The following NSFL1C variants were observed in gnomAD, a reference collection of about 807,000 sequenced individuals.
The protein encoded by NSFL1C is NSFL1 cofactor p47.
In NSFL1C, 14 loss-of-function variants were observed where a neutral mutation model predicts 43.1. The observed-to-expected ratio is 0.32, with a 90% CI of 0.21 to 0.51. The LOEUF (loss-of-function observed/expected upper bound fraction) is 0.51, where lower values mean the gene tolerates loss of function less well. Among genes scored for constraint, NSFL1C ranks in the 20% least tolerant of loss-of-function variants. The pLI, the probability that NSFL1C is intolerant of heterozygous loss-of-function variation, is 0.98. For synonymous variants in NSFL1C, 171 were observed against 183.5 expected (o/e 0.93, Z 0.55); for missense variants, 406 against 472.5 (o/e 0.86, Z 1.30).
intron 2 of NSFL1C, among the ~76,000 whole-genome samples, chr20:1,461,908 C>T (rs1433864703): frequency 1.3e-4 from 20 of 152,224 alleles, no homozygotes; most frequent in Admixed American, 1.3e-3. Context: ...TGAGTTTAAA[C>T]TGTCTCCTAT....
At chr20:1,464,175 A>C (rs940547920) in intron 2 of NSFL1C, 154 bp downstream of exon 2, 3 of 661,086 alleles carry the variant, frequency 4.5e-6, no homozygotes, top group Non-Finnish European at 8.1e-6. Flanking sequence ...ATAGGAAATG[A>C]CTGAGGCCTG....
rs1346643040 is a variant in NSFL1C, at chr20:1,442,535, G to C, written c.*1214C>G. Reference sequence around the variant, plus strand: ...TGAGTCAGCACTGATTCTGTCTCTGGTTTGTTTAATACGGGAAAGGGTTCC... The same window carrying C: ...TGAGTCAGCACTGATTCTGTCTCTGCTTTGTTTAATACGGGAAAGGGTTCC... On this transcript the variant is annotated 3_prime_UTR_variant, in exon 9 of 9. Coordinates refer to ENST00000216879, the MANE Select transcript of NSFL1C (RefSeq NM_016143.5). 4 of 152,196 alleles carry C rather than the reference G, an allele frequency of 2.6e-5. No individual in the cohort carries two copies. The highest frequency in any genetic ancestry group is 9.7e-5 in the African/African-American group (4 of 41,436). 9.4% of individuals were successfully genotyped at this position (152,196 alleles called of 1,614,324 possible).
At chr20:1,458,081 C>A (rs1163699011) in intron 3 of NSFL1C, 119 bp downstream of exon 3, 7 of 824,138 alleles carry the variant, frequency 8.5e-6, no homozygotes, top group Admixed American at 3.5e-5. Flanking sequence ...ACAGACCAGC[C>A]CACAGTAGTA....
rs3088080 is a variant in NSFL1C, at chr20:1,443,134, C to T, written c.*615G>A. ...GGCCAAGACCTGGCAAGATTAGATA[C>T]CCCAGGGGTTGAGTAAAAGGAGCAC... On this transcript the variant is annotated 3_prime_UTR_variant, in exon 9 of 9. Transcript: ENST00000216879. 0.4 allele frequency: 61,311 copies of T among 152,136 alleles called. 13,101 individuals are homozygous for T. The highest frequency in any genetic ancestry group is 0.78 in the East Asian group (4,028 of 5,166). 9.4% of individuals were successfully genotyped at this position (152,136 alleles called of 1,614,324 possible). A position where few individuals can be genotyped will look rare whatever the true frequency, so the allele number is the denominator to read the frequency against.
chr20:1,445,905 G>T, intron 7 of NSFL1C, 75 bp from the exon 8 acceptor site: 2 of 1,476,642 alleles, frequency 1.4e-6, no homozygotes, highest in Admixed American at 1.9e-5. Flanking sequence ...TTCTTGGACT[G>T]TTACTGAGCA....
chr20:1,447,062 T>C (rs1181467579), intron 7 of NSFL1C, among the ~76,000 whole-genome samples: 4 of 152,192 alleles, frequency 2.6e-5, no homozygotes, highest in Non-Finnish European at 1.5e-5. Context: ...AATTAAAGAA[T>C]GACTGAAAAG....
At chr20:1,450,745 T>C (rs149295391) in intron 7 of NSFL1C, among the ~76,000 whole-genome samples, 87 of 152,340 alleles carry the variant, frequency 5.7e-4, no homozygotes, top group Non-Finnish European at 1.0e-3. Context: ...CTAGCCCAAG[T>C]GTACAAAGAT....
intron 4 of NSFL1C, 115 bp downstream of exon 4, chr20:1,454,850 GAC>G: frequency 9.2e-7 from 1 of 1,085,532 alleles, no homozygotes. Context: ...CCGCACAGAA[GAC>G]CAAGTAAGCA....
Position 1,454,199 on chromosome 20 carries a change from G to C in NSFL1C, c.537+14C>G. The C allele has an allele frequency of 1.9e-6, 3 of 1,602,342 alleles. No individual in the cohort carries two copies. The highest frequency in any genetic ancestry group is 2.6e-6 in the Non-Finnish European group (3 of 1,169,666). On this transcript the variant is annotated intron_variant, in intron 5 of 8. Transcript: ENST00000216879. ...GTCCACAAGCTTCCCTCATGGGAAG[G>C]TGGATGCACTCACATCTTGGCTGGA...
At chr20:1,455,366 G>A (rs996099714) in intron 3 of NSFL1C, among the ~76,000 whole-genome samples, 2 of 152,200 alleles carry the variant, frequency 1.3e-5, no homozygotes, top group Non-Finnish European at 2.9e-5. Context: ...TCCTTTAAGG[G>A]TGTCTTCTGG....
At chr20:1,466,321 A>G (rs1289982178) in intron 1 of NSFL1C, among the ~76,000 whole-genome samples, 2 of 152,166 alleles carry the variant, frequency 1.3e-5, no homozygotes, top group Non-Finnish European at 2.9e-5. Flanking sequence ...TGGACTTCGG[A>G]AGTGGAAATG....
In NSFL1C at chr20:1,452,641, A is replaced by G; in HGVS notation, c.648-11T>C. The G allele has an allele frequency of 1.2e-6, 2 of 1,613,972 alleles. No individual in the cohort carries two copies. Among genetic ancestry groups the G allele is most frequent in the Non-Finnish European group, 1.7e-6 (2 of 1,179,966 alleles). ...TCTGCTGGCACCTCCCTGTGGAAGA[A>G]AAGGCCATGCTGAGGTCCACAGAGA... On this transcript the variant is annotated splice_polypyrimidine_tract_variant and intron_variant, in intron 6 of 8. Coordinates refer to ENST00000216879, the MANE Select transcript of NSFL1C (RefSeq NM_016143.5).
Position 1,442,527 on chromosome 20 carries a change from T to C in NSFL1C, c.*1222A>G, listed in dbSNP as rs1600363159. On this transcript the variant is annotated 3_prime_UTR_variant, in exon 9 of 9. Transcript: ENST00000216879. ...GGAGATCCTGAGTCAGCACTGATTC[T>C]GTCTCTGGTTTGTTTAATACGGGAA... 1.3e-5 allele frequency: 2 copies of C among 152,204 alleles called. No homozygotes were observed. Among genetic ancestry groups the C allele is most frequent in the Non-Finnish European group, 2.9e-5 (2 of 68,036 alleles). The allele number at this position is 152,204 out of a possible 1,614,324, so 9.4% of individuals were successfully genotyped here.
At chr20:1,447,285 G>C (rs1346714484) in intron 7 of NSFL1C, among the ~76,000 whole-genome samples, 1 of 152,136 alleles carries the variant, frequency 6.6e-6, no homozygotes, top group East Asian at 1.9e-4. Flanking sequence ...ATAGTGAATA[G>C]GTAAATCTCA....
intron 4 of NSFL1C, 51 bp downstream of exon 4, chr20:1,454,916 C>G: frequency 6.4e-7 from 1 of 1,573,944 alleles, no homozygotes; most frequent in Non-Finnish European, 8.7e-7. Flanking sequence ...GTGGCATTCC[C>G]AGTTCTGGAA....
intron 7 of NSFL1C, among the ~76,000 whole-genome samples, chr20:1,450,817 C>A (rs1222512445): frequency 6.6e-6 from 1 of 152,124 alleles, no homozygotes; most frequent in Admixed American, 6.6e-5. Flanking sequence ...TGTTTAACAG[C>A]AAGGACTGGT....
At chr20:1,448,422 G>C (rs2090116023) in intron 7 of NSFL1C, among the ~76,000 whole-genome samples, 2 of 152,196 alleles carry the variant, frequency 1.3e-5, no homozygotes, top group Admixed American at 1.3e-4. Flanking sequence ...TGCACGCAAG[G>C]CCTGGTATTT....
At position 1,443,876 on chromosome 20, in the gene NSFL1C, C is replaced by T. The variant is rs376866281; in HGVS notation, c.986G>A (p.Arg329Gln). The T allele has an allele frequency of 2.2e-5, 35 of 1,613,074 alleles. No homozygotes were observed. Among genetic ancestry groups the T allele is most frequent in the East Asian group, 8.9e-5 (4 of 44,892 alleles). The change falls in exon 9 of 9, where the codon CGG (arginine) becomes CAG (glutamine). Residue 329 changes from arginine (R) to glutamine (Q), a missense_variant. Transcript: ENST00000216879. ...AAAGCTGGTGGCAGCCATGGCTGGC[C>T]GGGCATCCACGATGAAGAGTCGGAT... ...SDIRLFIVDA[R>Q]PAMAATSFIL...
rs977038723 is a variant in NSFL1C at position 1,443,656 on chromosome 20, G to A, written c.*93C>T. Reference sequence around the variant, plus strand: ...AGGAGACGTTGCACTGGACTGCTGGGTGTGCACAAGGGGGCAGGAGGGGCG... The same window carrying A: ...AGGAGACGTTGCACTGGACTGCTGGATGTGCACAAGGGGGCAGGAGGGGCG... On this transcript the variant is annotated 3_prime_UTR_variant, in exon 9 of 9. Coordinates refer to ENST00000216879, the MANE Select transcript of NSFL1C (RefSeq NM_016143.5). 4 of 1,336,816 alleles carry A rather than the reference G, an allele frequency of 3.0e-6. No homozygotes were observed. The highest frequency in any genetic ancestry group is 4.2e-6 in the Non-Finnish European group (4 of 946,726). The allele number at this position is 1,336,816 out of a possible 1,614,324, so 82.8% of individuals were successfully genotyped here.
Sources: allele counts gnomAD v4.1 joint callset (sites outside exome capture counted in the v4.1 genomes callset), GRCh38; gene constraint gnomAD v4.1.1; transcripts MANE v1.5; gene names NCBI Gene and HGNC (gene_info 2026-07-23, HGNC 2026-07-21).